Variants in FBXO25 observed in about 807,000 individuals in gnomAD.
The protein encoded by FBXO25 is F-box only protein 25.
Under a neutral mutation model 51.9 loss-of-function variants are expected in FBXO25, and 45 were observed. The observed-to-expected ratio is 0.87, with a 90% CI of 0.68 to 1.11. The LOEUF (loss-of-function observed/expected upper bound fraction) is 1.11. Among genes scored for constraint, FBXO25 ranks in the 50% most tolerant of loss-of-function variants. The pLI is 0.00. For missense variants in FBXO25, 507 were observed against 428.5 expected (o/e 1.18, Z -1.62); for synonymous variants, 199 against 151.0 (o/e 1.32, Z -2.33).
intron 2 of FBXO25, among the ~76,000 whole-genome samples, chr8:421,714 G>C (rs1384175681): frequency 6.6e-6 from 1 of 152,172 alleles, no homozygotes; most frequent in Admixed American, 6.5e-5. Context: ...CTGCATCAGT[G>C]ACTAGAGCCA....
chr8:440,830 A>C (rs1386539032), intron 5 of FBXO25, among the ~76,000 whole-genome samples: 1 of 145,950 alleles, frequency 6.9e-6, no homozygotes, highest in Admixed American at 6.9e-5. Flanking sequence ...GAATAAGAAC[A>C]TGTGGTGTTT....
rs1389578698 is a variant in FBXO25, at chr8:474,846, G to T, written c.*6042G>T. On this transcript the variant is annotated 3_prime_UTR_variant, in exon 10 of 10. Transcript: ENST00000350302. ...GTACAGAAGTTGTTTCTTTCTTTTA[G>T]TTACCTGTGTGTGCCTCTGGTGTCA... 2.2e-6 allele frequency: 1 copy of T among 448,332 alleles called. No individual in the cohort carries two copies. Among genetic ancestry groups the T allele is most frequent in the Non-Finnish European group, 4.4e-6 (1 of 225,368 alleles). 27.8% of individuals were successfully genotyped at this position (448,332 alleles called of 1,614,324 possible).
chr8:415,735 G>C (rs933866665), intron 2 of FBXO25, among the ~76,000 whole-genome samples: 3 of 152,152 alleles, frequency 2.0e-5, no homozygotes, highest in African/African-American at 7.2e-5. Context: ...AAATAATCTG[G>C]CTGGGTCTTC....
chr8:444,500 T>G (rs533754143), intron 5 of FBXO25, among the ~76,000 whole-genome samples: 2 of 152,384 alleles, frequency 1.3e-5, no homozygotes, highest in East Asian at 1.9e-4. Context: ...TTGAAATGAT[T>G]AAGTTTTCCT....
intron 5 of FBXO25, among the ~76,000 whole-genome samples, chr8:447,885 C>T (rs948390774): frequency 3.9e-5 from 6 of 152,068 alleles, no homozygotes; most frequent in Admixed American, 1.3e-4. Context: ...ACCTGTACAA[C>T]CAAGTGAGAC....
intron 4 of FBXO25, among the ~76,000 whole-genome samples, chr8:433,942 T>G (rs1797960652): frequency 6.6e-6 from 1 of 152,230 alleles, no homozygotes; most frequent in Admixed American, 6.5e-5. Context: ...TAACCTAGTT[T>G]GTGAAAAACA....
chr8:436,243 T>C (rs985184307), intron 5 of FBXO25, among the ~76,000 whole-genome samples: 16 of 152,198 alleles, frequency 1.1e-4, no homozygotes, highest in African/African-American at 3.9e-4. Context: ...ATCTTAGCCA[T>C]ATATTCCATT....
At chr8:416,273 G>C (rs1217315572) in intron 2 of FBXO25, among the ~76,000 whole-genome samples, 1 of 152,076 alleles carries the variant, frequency 6.6e-6, no homozygotes, top group Non-Finnish European at 1.5e-5. Flanking sequence ...TCTGATGTTC[G>C]GCTCCCTACA....
chr8:432,606 A>G (rs575972980), intron 3 of FBXO25, among the ~76,000 whole-genome samples: 23 of 152,336 alleles, frequency 1.5e-4, no homozygotes, highest in Admixed American at 2.6e-4. Flanking sequence ...ATGTAATTGC[A>G]TTTTATAATC....
intron 9 of FBXO25, among the ~76,000 whole-genome samples, chr8:463,419 C>G (rs1158506677): frequency 6.6e-6 from 1 of 151,886 alleles, no homozygotes; most frequent in Non-Finnish European, 1.5e-5. Context: ...CAGCCAGTGA[C>G]CTTTCCTGGC....
rs1291514978 is a variant in FBXO25, at chr8:470,001, G to A, written c.*1197G>A. ...GGCGATGCAAATACCTGGGGCCTCT[G>A]CGAATATATGTTAGTTTTTCATAAG... On this transcript the variant is annotated 3_prime_UTR_variant, in exon 10 of 10. Coordinates refer to ENST00000350302, the MANE Select transcript of FBXO25 (RefSeq NM_183420.2). 2 of 152,158 alleles carry A rather than the reference G, an allele frequency of 1.3e-5. No homozygotes were observed. The highest frequency in any genetic ancestry group is 2.9e-5 in the Non-Finnish European group (2 of 68,034). 9.4% of individuals were successfully genotyped at this position (152,158 alleles called of 1,614,324 possible). A position where few individuals can be genotyped will look rare whatever the true frequency, so the allele number is the denominator to read the frequency against.
chr8:458,278 T>G (rs1284381488), intron 7 of FBXO25, 91 bp from the exon 8 acceptor site: 1 of 1,415,466 alleles, frequency 7.1e-7, no homozygotes, highest in African/African-American at 1.4e-5. Flanking sequence ...TACCATGTTT[T>G]GAAGCATTCA....
intron 7 of FBXO25, among the ~76,000 whole-genome samples, chr8:454,512 A>G (rs1799293231): frequency 6.6e-6 from 1 of 152,220 alleles, no homozygotes; most frequent in African/African-American, 2.4e-5. Flanking sequence ...GATGTGTCAC[A>G]GAACTCAGTG....
rs1393229508 is a variant in FBXO25 at position 470,355 on chromosome 8, T to A, written c.*1551T>A. 3 of 152,080 alleles carry A rather than the reference T, an allele frequency of 2.0e-5. No homozygotes were observed. The highest frequency in any genetic ancestry group is 2.9e-5 in the Non-Finnish European group (2 of 68,058). The allele number at this position is 152,080 out of a possible 1,614,324, so 9.4% of individuals were successfully genotyped here. ...TTCTAGATTGTTCATGAAAAAAAAT[T>A]TTTTTGGAGTTTGTTTTTGAGACAG... On this transcript the variant is annotated 3_prime_UTR_variant, in exon 10 of 10. Transcript: ENST00000350302.
chr8:412,644 C>G (rs927360274), intron 1 of FBXO25, among the ~76,000 whole-genome samples: 3 of 152,208 alleles, frequency 2.0e-5, no homozygotes, highest in African/African-American at 4.8e-5. Flanking sequence ...TTCTGGCCCA[C>G]TCTCTCTCAT....
chr8:410,373 G>A (rs141582174), intron 1 of FBXO25, among the ~76,000 whole-genome samples: 3,313 of 151,964 alleles, frequency 0.022, 68 homozygotes, highest in East Asian at 0.11. Flanking sequence ...AATGTTTGTC[G>A]TTGAAGTAAT....
intron 2 of FBXO25, among the ~76,000 whole-genome samples, chr8:429,455 G>A (rs1402082463): frequency 6.6e-6 from 1 of 152,162 alleles, no homozygotes; most frequent in African/African-American, 2.4e-5. Context: ...TGAAACAAAG[G>A]TTATAAAAAG....
rs1276073570 is a variant in FBXO25, at chr8:469,648, CG to C, written c.*845del. 1 of 152,168 alleles carries C rather than the reference CG, an allele frequency of 6.6e-6. No individual in the cohort carries two copies. The highest frequency in any genetic ancestry group is 1.5e-5 in the Non-Finnish European group (1 of 68,028). 9.4% of individuals were successfully genotyped at this position (152,168 alleles called of 1,614,324 possible). ...TACTTAAATCCTTAAAAGATTGCTT[CG>C]TTTTTAAAATAACGCATGTCCATTT... On this transcript the variant is annotated 3_prime_UTR_variant, in exon 10 of 10. Transcript: ENST00000350302.
At position 428,831 on chromosome 8, in the gene FBXO25, G is replaced by A. The variant is rs148791017; in HGVS notation, c.135-2510G>A. The stretch of plus-strand genomic sequence containing the variant: ...TGTGACTGTCTTATCTCAGCGTAAC[G>A]TCCTCAAGTTTCAGCCCTGTTGTAG... On this transcript the variant is annotated intron_variant, in intron 2 of 9. Coordinates refer to ENST00000350302, the MANE Select transcript of FBXO25 (RefSeq NM_183420.2). 7.9e-3 allele frequency among the ~76,000 whole-genome samples: 1,198 copies of A among 152,272 alleles called. 11 individuals are homozygous for A. The highest frequency in any genetic ancestry group is 0.027 in the African/African-American group (1,131 of 41,536).
Sources: gnomAD v4.1 joint callset for allele counts (sites outside exome capture counted in the v4.1 genomes callset) on GRCh38, gnomAD v4.1.1 for gene constraint, MANE v1.5 for transcripts, NCBI Gene and HGNC (gene_info 2026-07-23, HGNC 2026-07-21) for gene names.